The following SLC13A3 variants were observed in gnomAD, a reference collection of about 807,000 sequenced individuals.
SLC13A3 encodes the protein solute carrier family 13 member 3.
SLC13A3 carries 40 observed loss-of-function variants against 59.0 expected under a neutral mutation model. The ratio of observed to expected loss-of-function variants is 0.68; its 90% CI spans 0.53 to 0.88. The LOEUF (loss-of-function observed/expected upper bound fraction) is 0.88. Ranked by LOEUF, SLC13A3 falls within the 40% of genes least tolerant of loss-of-function variation. The pLI, the probability that SLC13A3 is intolerant of heterozygous loss-of-function variation, is 0.00. For synonymous variants in SLC13A3, 317 were observed against 330.3 expected (o/e 0.96, Z 0.44); for missense variants, 699 against 783.2 (o/e 0.89, Z 1.28).
chr20:46,568,401 CAAAAA>C (rs66526539), intron 10 of SLC13A3, among the ~76,000 whole-genome samples: 63 of 58,704 alleles, frequency 1.1e-3, no homozygotes, highest in East Asian at 5.3e-3. Flanking sequence ...GACTCCATCT[CAAAAA>C]AAAAAAAAAA....
chr20:46,650,913 T>G (rs1040490285), intron 1 of SLC13A3, among the ~76,000 whole-genome samples: 6 of 151,710 alleles, frequency 4.0e-5, no homozygotes, highest in African/African-American at 1.5e-4. Flanking sequence ...AAAAAAAAAT[T>G]AGCTGGGCAT....
chr20:46,586,644 A>G (rs2062195547), intron 8 of SLC13A3, among the ~76,000 whole-genome samples: 1 of 152,178 alleles, frequency 6.6e-6, no homozygotes, highest in Admixed American at 6.5e-5. Context: ...CCCCTAAAAA[A>G]TATTCTTCTC....
intron 10 of SLC13A3, among the ~76,000 whole-genome samples, chr20:46,574,001 C>T (rs376353906): frequency 7.9e-5 from 12 of 152,268 alleles, no homozygotes; most frequent in East Asian, 5.8e-4. Flanking sequence ...AGGGGTGAGA[C>T]GGAGCTCAGC....
intron 10 of SLC13A3, among the ~76,000 whole-genome samples, chr20:46,568,299 G>A (rs2061998269): frequency 6.7e-6 from 1 of 149,898 alleles, no homozygotes; most frequent in South Asian, 2.1e-4. Context: ...CCAGGAGGCT[G>A]AGGCAGGATA....
chr20:46,578,173 G>T (rs189404980), intron 9 of SLC13A3, among the ~76,000 whole-genome samples: 1 of 151,234 alleles, frequency 6.6e-6, no homozygotes, highest in Non-Finnish European at 1.5e-5. Flanking sequence ...CTCATGATCC[G>T]CCCGCCTCGG....
At chr20:46,654,869 A>G (rs1473005260), upstream of SLC13A3, among the ~76,000 whole-genome samples, 1 of 152,152 alleles carries the variant, frequency 6.6e-6, no homozygotes, top group Non-Finnish European at 1.5e-5. Flanking sequence ...CCAGGTCTGC[A>G]GGCAACAAAT....
At chr20:46,631,118 A>G (rs1313747954) in intron 1 of SLC13A3, among the ~76,000 whole-genome samples, 1 of 152,224 alleles carries the variant, frequency 6.6e-6, no homozygotes, top group African/African-American at 2.4e-5. Flanking sequence ...GAGATCATTT[A>G]ATCCAGTGGT....
intron 1 of SLC13A3, among the ~76,000 whole-genome samples, chr20:46,630,843 C>T (rs2062729266): frequency 6.6e-6 from 1 of 152,200 alleles, no homozygotes; most frequent in Admixed American, 6.5e-5. Flanking sequence ...CACATTCTAG[C>T]TGTTGAACCT....
chr20:46,589,820 C>T (rs1410931655), intron 6 of SLC13A3, among the ~76,000 whole-genome samples: 3 of 152,112 alleles, frequency 2.0e-5, no homozygotes, highest in Non-Finnish European at 2.9e-5. Context: ...ATCTGGACCC[C>T]TACCTCACAC....
chr20:46,575,442 G>A (rs1239751285), intron 10 of SLC13A3, 131 bp downstream of exon 10: 2 of 509,604 alleles, frequency 3.9e-6, no homozygotes, highest in Non-Finnish European at 7.0e-6. Context: ...TTTGGCAAGT[G>A]AGGAAACTGG....
intron 12 of SLC13A3, among the ~76,000 whole-genome samples, chr20:46,562,575 G>T (rs2061940491): frequency 6.6e-6 from 1 of 152,076 alleles, no homozygotes; most frequent in Admixed American, 6.5e-5. Flanking sequence ...ACATAATTTA[G>T]GAAAATCTGC....
intron 1 of SLC13A3, among the ~76,000 whole-genome samples, chr20:46,683,617 A>G (rs1292272073): frequency 6.6e-6 from 1 of 152,164 alleles, no homozygotes; most frequent in Non-Finnish European, 1.5e-5. Flanking sequence ...CAGATCCAGC[A>G]ACCCATTTTT....
At chr20:46,681,304 A>C (rs1273075487) in intron 1 of SLC13A3, among the ~76,000 whole-genome samples, 1 of 152,218 alleles carries the variant, frequency 6.6e-6, no homozygotes. Flanking sequence ...TGCTACACTT[A>C]GGTGCTCAGC....
In SLC13A3 at chr20:46,651,443, CG is replaced by C; in HGVS notation, c.-23del. ...CCATCAGCGCGATCGCCTGGCGGTA[CG>C]GGCCGGCCCGGGACTGCCCCGCCTG... On this transcript the variant is annotated 5_prime_UTR_variant, in exon 1 of 13. Transcript: ENST00000279027. The C allele has an allele frequency of 1.4e-6, 2 of 1,407,516 alleles. No individual in the cohort carries two copies. The highest frequency in any genetic ancestry group is 1.8e-6 in the Non-Finnish European group (2 of 1,081,734). The allele number at this position is 1,407,516 out of a possible 1,614,324, so 87.2% of individuals were successfully genotyped here. A position where few individuals can be genotyped will look rare whatever the true frequency, so the allele number is the denominator to read the frequency against.
chr20:46,648,580 G>A (rs1449561824), intron 1 of SLC13A3, among the ~76,000 whole-genome samples: 4 of 152,102 alleles, frequency 2.6e-5, no homozygotes, highest in African/African-American at 9.7e-5. Flanking sequence ...GGGGTGGTTT[G>A]TATTGAATTA....
At chr20:46,602,038 A>G (rs2062385312) in intron 3 of SLC13A3, among the ~76,000 whole-genome samples, 1 of 152,152 alleles carries the variant, frequency 6.6e-6, no homozygotes, top group African/African-American at 2.4e-5. Flanking sequence ...CTTTGTTTTT[A>G]AAGTTATTTC....
intron 1 of SLC13A3, among the ~76,000 whole-genome samples, chr20:46,618,005 A>C (rs1194916126): frequency 6.6e-6 from 1 of 152,226 alleles, no homozygotes; most frequent in East Asian, 1.9e-4. Flanking sequence ...AAATTCCCAC[A>C]GAAGCCCAGA....
At chr20:46,606,576 C>T (rs553553111) in intron 3 of SLC13A3, among the ~76,000 whole-genome samples, 13 of 152,244 alleles carry the variant, frequency 8.5e-5, no homozygotes, top group East Asian at 1.9e-4. Context: ...TGGTGGCTCA[C>T]GCCTGTAAGC....
chr20:46,592,300 A>G (rs2122680906), intron 6 of SLC13A3, 104 bp downstream of exon 6: 1 of 1,386,814 alleles, frequency 7.2e-7, no homozygotes, highest in Non-Finnish European at 1.0e-6. Flanking sequence ...ATGAGAATAC[A>G]ACATGAAATA....
Sources: gnomAD v4.1 joint callset for allele counts (sites outside exome capture counted in the v4.1 genomes callset) on GRCh38, gnomAD v4.1.1 for gene constraint, MANE v1.5 for transcripts, NCBI Gene and HGNC (gene_info 2026-07-23, HGNC 2026-07-21) for gene names.